The following NTN1 variants were observed in gnomAD, a reference collection of about 807,000 sequenced individuals.
NTN1 encodes netrin-1.
A neutral mutation model predicts 54.2 loss-of-function variants in NTN1; 11 were observed. The observed-to-expected ratio is 0.20, with a 90% confidence interval of 0.13 to 0.34. The LOEUF is 0.34. Among genes scored for constraint, NTN1 ranks in the 10% least tolerant of loss-of-function variants. The probability of loss-of-function intolerance (pLI) is 1.00; values close to 1 mark genes in which losing one functional copy is unlikely to be tolerated. For missense variants in NTN1, 740 were observed against 893.1 expected, an observed-to-expected ratio of 0.83 and a Z score of 2.18; for synonymous variants, 371 against 382.0, an observed-to-expected ratio of 0.97 and a Z score of 0.33.
At chr17:9,094,864 C>T (rs1437769611) in intron 2 of NTN1, among the ~76,000 whole-genome samples, 1 of 152,016 alleles carries the variant, frequency 6.6e-6, no homozygotes, top group Non-Finnish European at 1.5e-5. Flanking sequence ...TGGCGCATGC[C>T]TGTAATCCCA....
At chr17:9,062,042 C>T (rs537319561) in intron 2 of NTN1, among the ~76,000 whole-genome samples, 5 of 152,122 alleles carry the variant, frequency 3.3e-5, no homozygotes, top group African/African-American at 4.8e-5. Context: ...GATGAAATGG[C>T]GTAAACGATG....
intron 2 of NTN1, among the ~76,000 whole-genome samples, chr17:9,156,390 G>A (rs2092342372): frequency 6.6e-6 from 1 of 152,164 alleles, no homozygotes; most frequent in South Asian, 2.1e-4. Flanking sequence ...GAGCCTCTGA[G>A]GAGACCCATC....
chr17:9,214,588 C>A (rs942667607), intron 5 of NTN1, among the ~76,000 whole-genome samples: 3 of 152,112 alleles, frequency 2.0e-5, no homozygotes, highest in African/African-American at 7.2e-5. Flanking sequence ...TTTGGGAGGC[C>A]GAGGCAGGCG....
chr17:9,070,716 T>C (rs1476957854), intron 2 of NTN1, among the ~76,000 whole-genome samples: 3 of 152,096 alleles, frequency 2.0e-5, no homozygotes, highest in African/African-American at 7.2e-5. Flanking sequence ...CTCAGCCTCC[T>C]GAGTAGCTGG....
At chr17:9,070,613 CAA>C (rs1407596990) in intron 2 of NTN1, among the ~76,000 whole-genome samples, 1 of 152,118 alleles carries the variant, frequency 6.6e-6, no homozygotes, top group Admixed American at 6.5e-5. Flanking sequence ...TTTTTTGAGA[CAA>C]AGTCTCATTC....
chr17:9,090,416 C>T (rs765965262), intron 2 of NTN1, among the ~76,000 whole-genome samples: 20 of 152,040 alleles, frequency 1.3e-4, no homozygotes, highest in Non-Finnish European at 2.6e-4. Flanking sequence ...CCTCATGATC[C>T]GCCTGCCTCG....
At chr17:9,208,413 T>C (rs1268241129) in intron 5 of NTN1, among the ~76,000 whole-genome samples, 1 of 151,838 alleles carries the variant, frequency 6.6e-6, no homozygotes, top group Non-Finnish European at 1.5e-5. Flanking sequence ...TTGTCCAGAG[T>C]GTATGTGCCA....
At chr17:9,019,622 G>A (rs965232471), upstream of NTN1, among the ~76,000 whole-genome samples, 4 of 152,174 alleles carry the variant, frequency 2.6e-5, no homozygotes, top group Middle Eastern at 3.2e-3. Flanking sequence ...CAACCCAGTG[G>A]GGTAGAAAGT....
At chr17:9,180,108 A>C in intron 4 of NTN1, 152 bp downstream of exon 4, 1 of 772,100 alleles carries the variant, frequency 1.3e-6, no homozygotes, top group Non-Finnish European at 2.0e-6. Context: ...GCACGATCTC[A>C]GCTCACTGCA....
intron 2 of NTN1, among the ~76,000 whole-genome samples, chr17:9,061,384 C>T (rs762294130): frequency 2.6e-5 from 4 of 152,142 alleles, no homozygotes; most frequent in Non-Finnish European, 5.9e-5. Flanking sequence ...GTCAATGAGA[C>T]AGTTGGCTGG....
chr17:9,193,585 C>T (rs755928428), intron 5 of NTN1, among the ~76,000 whole-genome samples: 6 of 152,146 alleles, frequency 3.9e-5, no homozygotes, highest in African/African-American at 9.7e-5. Context: ...TGGTTCTCCC[C>T]CAAATGTCTC....
intron 6 of NTN1, among the ~76,000 whole-genome samples, chr17:9,232,414 G>A (rs1016115388): frequency 6.6e-6 from 1 of 152,208 alleles, no homozygotes; most frequent in Non-Finnish European, 1.5e-5. Flanking sequence ...CCTCCCAGGG[G>A]ACAGGGCTGG....
chr17:9,126,366 C>T (rs750984626), intron 2 of NTN1, among the ~76,000 whole-genome samples: 4 of 152,170 alleles, frequency 2.6e-5, no homozygotes, highest in Non-Finnish European at 4.4e-5. Context: ...AAAAATTAGC[C>T]GGGCGTGGTG....
At chr17:9,226,463 G>A (rs1452365768) in intron 6 of NTN1, among the ~76,000 whole-genome samples, 1 of 52,838 alleles carries the variant, frequency 1.9e-5, no homozygotes. Context: ...CTGTCTCGTG[G>A]GGAGGCTGTC....
chr17:9,037,436 G>A (rs181272062), intron 2 of NTN1, among the ~76,000 whole-genome samples: 62 of 152,136 alleles, frequency 4.1e-4, no homozygotes, highest in African/African-American at 1.2e-3. Flanking sequence ...TTGGGATTTC[G>A]TGGAAATCCC....
At chr17:9,119,460 T>A (rs1310166132) in intron 2 of NTN1, among the ~76,000 whole-genome samples, 3 of 151,968 alleles carry the variant, frequency 2.0e-5, no homozygotes, top group Non-Finnish European at 4.4e-5. Flanking sequence ...AGTGCTGGGA[T>A]TACAGGCGTG....
intron 2 of NTN1, among the ~76,000 whole-genome samples, chr17:9,027,506 G>A (rs2091875086): frequency 1.3e-5 from 2 of 152,108 alleles, no homozygotes. Flanking sequence ...CTTTTCCATA[G>A]AATGAATGGA....
At chr17:9,053,398 CTAATGATTACTTTATTAGAAAT>C (rs1259327744) in intron 2 of NTN1, among the ~76,000 whole-genome samples, 1 of 152,226 alleles carries the variant, frequency 6.6e-6, no homozygotes, top group Non-Finnish European at 1.5e-5. Context: ...AAGCTCTGGA[CTAATGATTACTTTATTAGAAAT>C]TAATCAATTA....
intron 2 of NTN1, among the ~76,000 whole-genome samples, chr17:9,137,542 C>G (rs150331374): frequency 3.3e-5 from 5 of 152,320 alleles, no homozygotes; most frequent in East Asian, 3.9e-4. Context: ...CCTGTAATCC[C>G]AGCACTTTGG....
Sources: allele counts gnomAD v4.1 joint callset (sites outside exome capture counted in the v4.1 genomes callset), GRCh38; gene constraint gnomAD v4.1.1; transcripts MANE v1.5; gene names NCBI Gene and HGNC (gene_info 2026-07-23, HGNC 2026-07-21).